The following PIP5K1B variants were observed in gnomAD, a reference collection of about 807,000 sequenced individuals.
PIP5K1B encodes phosphatidylinositol 4-phosphate 5-kinase type-1 beta.
In PIP5K1B, 42 loss-of-function variants were observed where a neutral mutation model predicts 67.0. The ratio of observed to expected loss-of-function variants is 0.63; its 90% CI spans 0.49 to 0.81. PIP5K1B has a LOEUF of 0.81. PIP5K1B is among the 30% of genes least tolerant of loss of function. The probability of loss-of-function intolerance (pLI) is 0.00; values close to 1 mark genes in which losing one functional copy is unlikely to be tolerated. For synonymous variants in PIP5K1B, 214 were observed against 231.4 expected, an observed-to-expected ratio of 0.92 and a Z score of 0.68; for missense variants, 459 against 646.3, an observed-to-expected ratio of 0.71 and a Z score of 3.14.
At chr9:68,785,415 T>G (rs11143715) in intron 2 of PIP5K1B, among the ~76,000 whole-genome samples, 26,919 of 152,144 alleles carry the variant, frequency 0.18, 2,520 homozygotes, top group African/African-American at 0.22. Context: ...GAGTGCCACT[T>G]ACTTGGTAAA....
At chr9:68,747,634 T>G (rs1053150962) in intron 2 of PIP5K1B, among the ~76,000 whole-genome samples, 3 of 152,196 alleles carry the variant, frequency 2.0e-5, no homozygotes, top group African/African-American at 7.2e-5. Flanking sequence ...TAATATAGCT[T>G]CTTTTTACAG....
chr9:68,791,212 G>A (rs975749912), intron 2 of PIP5K1B, among the ~76,000 whole-genome samples: 1 of 152,216 alleles, frequency 6.6e-6, no homozygotes, highest in Non-Finnish European at 1.5e-5. Flanking sequence ...TCGCTCCTGG[G>A]ATTCGGCAAT....
At chr9:68,849,926 T>C in intron 4 of PIP5K1B, among the ~76,000 whole-genome samples, 1 of 152,238 alleles carries the variant, frequency 6.6e-6, no homozygotes, top group Middle Eastern at 3.2e-3. Context: ...TTTTTGAGCC[T>C]ATATTGTTTT....
At chr9:68,820,458 T>C (rs1833682099) in intron 3 of PIP5K1B, among the ~76,000 whole-genome samples, 1 of 152,214 alleles carries the variant, frequency 6.6e-6, no homozygotes, top group African/African-American at 2.4e-5. Context: ...TGGTGGGCAG[T>C]ACTAGATCTA....
At chr9:68,757,750 A>G (rs1247076003) in intron 2 of PIP5K1B, among the ~76,000 whole-genome samples, 1 of 152,200 alleles carries the variant, frequency 6.6e-6, no homozygotes, top group Non-Finnish European at 1.5e-5. Flanking sequence ...GCAACTGGGT[A>G]TATAAGTCTA....
intron 4 of PIP5K1B, among the ~76,000 whole-genome samples, chr9:68,838,034 T>C (rs1821717426): frequency 6.6e-6 from 1 of 152,008 alleles, no homozygotes; most frequent in Admixed American, 6.5e-5. Context: ...TATGTCTGTG[T>C]AACTTATGTG....
At chr9:68,798,123 C>T (rs1832396306) in intron 2 of PIP5K1B, among the ~76,000 whole-genome samples, 1 of 151,698 alleles carries the variant, frequency 6.6e-6, no homozygotes. Context: ...TCTGTTGGAG[C>T]CCAGATTTGA....
chr9:68,935,723 CAAT>C (rs1827232261), intron 13 of PIP5K1B: 1 of 152,154 alleles, frequency 6.6e-6, no homozygotes, highest in Non-Finnish European at 1.5e-5. Flanking sequence ...CTCAATGTAA[CAAT>C]AAGTTGTCTC....
intron 12 of PIP5K1B, among the ~76,000 whole-genome samples, chr9:68,934,010 C>T (rs967397559): frequency 2.6e-5 from 4 of 152,202 alleles, no homozygotes; most frequent in Admixed American, 1.3e-4. Context: ...AAGAGAGACA[C>T]TGCCAAAAAC....
rs140752922 is a variant in PIP5K1B at position 68,775,533 on chromosome 9, C to T, written c.-86+32876C>T. ...ACTAATGGGCAGGGAGCATAGACAG[C>T]ATGGATGCACTGGTTGTAGGGATGA... On this transcript the variant is annotated intron_variant, in intron 2 of 15. Coordinates refer to ENST00000265382, the MANE Select transcript of PIP5K1B (RefSeq NM_003558.4). Among the ~76,000 whole-genome samples, 6 of 152,266 alleles carry T rather than the reference C, an allele frequency of 3.9e-5. No homozygotes were observed. In the East Asian group the frequency reaches 9.6e-4, roughly 24 times the overall value.
At chr9:68,800,179 G>T (rs1460501413) in intron 2 of PIP5K1B, among the ~76,000 whole-genome samples, 1 of 152,222 alleles carries the variant, frequency 6.6e-6, no homozygotes. Context: ...GGCTGGTGGA[G>T]ATACCTGTGG....
At chr9:68,887,486 G>A (rs117337991) in intron 6 of PIP5K1B, among the ~76,000 whole-genome samples, 1,775 of 152,268 alleles carry the variant, frequency 0.012, 19 homozygotes, top group Middle Eastern at 0.02. Context: ...AGGAGGCTGG[G>A]TCATTCATGG....
chr9:68,910,202 C>T (rs530939138), intron 8 of PIP5K1B, among the ~76,000 whole-genome samples: 1 of 152,172 alleles, frequency 6.6e-6, no homozygotes, highest in African/African-American at 2.4e-5. Context: ...AACAACTTTG[C>T]CTTTTATCTG....
intron 1 of PIP5K1B, chr9:68,728,966 A>G (rs1798924338): frequency 6.6e-6 from 1 of 152,218 alleles, no homozygotes; most frequent in Admixed American, 6.5e-5. Context: ...CATTGTACTC[A>G]TAGGTACCTT....
In PIP5K1B at chr9:68,927,567, T is replaced by G. The variant is rs140431091; in HGVS notation, c.1201+4181T>G. Among the ~76,000 whole-genome samples the G allele has an allele frequency of 6.2e-4, 94 of 152,352 alleles. No homozygotes were observed. In the East Asian group the frequency reaches 0.017, roughly 28 times the overall value. On this transcript the variant is annotated intron_variant, in intron 12 of 15. Transcript: ENST00000265382. ...ATGTGCTTATTAGCAATTTATATCT[T>G]CTTTGGAGAAATGCTCACTCAAACC...
intron 14 of PIP5K1B, among the ~76,000 whole-genome samples, chr9:68,955,743 G>A (rs1828354044): frequency 6.6e-6 from 1 of 152,150 alleles, no homozygotes; most frequent in African/African-American, 2.4e-5. Context: ...CACTTTTATA[G>A]TAATATTTAT....
chr9:68,886,097 T>C (rs1824458070), intron 6 of PIP5K1B, among the ~76,000 whole-genome samples: 1 of 151,760 alleles, frequency 6.6e-6, no homozygotes, highest in Admixed American at 6.6e-5. Flanking sequence ...GAGAAGGGTG[T>C]GAACCCGGGA....
At chr9:68,934,724 G>C (rs1396775087) in intron 12 of PIP5K1B, among the ~76,000 whole-genome samples, 166 bp from the exon 13 acceptor site, 3 of 152,288 alleles carry the variant, frequency 2.0e-5, no homozygotes, top group African/African-American at 7.2e-5. Flanking sequence ...GTATTCATCA[G>C]ATGAAACAAG....
intron 1 of PIP5K1B, among the ~76,000 whole-genome samples, chr9:68,726,059 TG>T (rs1216894800): frequency 6.6e-6 from 1 of 152,334 alleles, no homozygotes; most frequent in Middle Eastern, 3.4e-3. Flanking sequence ...TGACTTTAAC[TG>T]GACATTTCTC....
Sources: gnomAD v4.1 joint callset for allele counts (sites outside exome capture counted in the v4.1 genomes callset) on GRCh38, gnomAD v4.1.1 for gene constraint, MANE v1.5 for transcripts, NCBI Gene and HGNC (gene_info 2026-07-23, HGNC 2026-07-21) for gene names.